KALRN: variants seen among roughly 807,000 people sequenced by gnomAD.
The protein encoded by KALRN is kalirin RhoGEF kinase, also known as kalirin.
KALRN carries 70 observed loss-of-function variants against 353.7 expected under a neutral mutation model. That is an observed-to-expected ratio of 0.20 (90% CI 0.16 to 0.24). The LOEUF (loss-of-function observed/expected upper bound fraction) is 0.24. Ranked by LOEUF, KALRN falls within the 10% of genes least tolerant of loss-of-function variation. The probability of loss-of-function intolerance (pLI) is 1.00; values close to 1 mark genes in which losing one functional copy is unlikely to be tolerated. For missense variants in KALRN, 2,791 were observed against 3,756.7 expected, an observed-to-expected ratio of 0.74 and a Z score of 6.72; for synonymous variants, 1,391 against 1,434.8, an observed-to-expected ratio of 0.97 and a Z score of 0.69.
rs1213814723 is a variant in KALRN at position 124,723,104 on chromosome 3, A to AG, written c.*3639dup. ...GTCTCTCTCAGCCATAAACAATGTA[A>AG]GGGGGAGTAGAGGAAGCAGAGGAGA... On this transcript the variant is annotated 3_prime_UTR_variant, in exon 60 of 60. Coordinates refer to ENST00000682506, the MANE Select transcript of KALRN (RefSeq NM_001388419.1). 6.6e-6 allele frequency: 1 copy of AG among 152,190 alleles called. No homozygotes were observed. Among genetic ancestry groups the AG allele is most frequent in the African/African-American group, 2.4e-5 (1 of 41,440 alleles). The allele number at this position is 152,190 out of a possible 1,614,324, so 9.4% of individuals were successfully genotyped here. A position where few individuals can be genotyped will look rare whatever the true frequency, so the allele number is the denominator to read the frequency against.
At chr3:124,407,247 C>T (rs1296876259) in intron 13 of KALRN, among the ~76,000 whole-genome samples, 1 of 152,114 alleles carries the variant, frequency 6.6e-6, no homozygotes, top group Non-Finnish European at 1.5e-5. Context: ...TAGCAAAGCT[C>T]CTGACAGTTA....
chr3:124,702,178 TA>T, intron 57 of KALRN, 62 bp downstream of exon 57: 1 of 1,001,688 alleles, frequency 1.0e-6, no homozygotes, highest in Non-Finnish European at 1.5e-6. Flanking sequence ...ATCAGAACAG[TA>T]ACTTTTTGTT....
intron 6 of KALRN, among the ~76,000 whole-genome samples, chr3:124,311,811 T>C (rs958161406): frequency 6.6e-6 from 1 of 152,226 alleles, no homozygotes; most frequent in Non-Finnish European, 1.5e-5. Flanking sequence ...CTTATATTTA[T>C]TTGGCCATAA....
chr3:124,707,356 A>G (rs1171326719), intron 57 of KALRN, among the ~76,000 whole-genome samples: 1 of 152,074 alleles, frequency 6.6e-6, no homozygotes, highest in African/African-American at 2.4e-5. Flanking sequence ...AAGTAAAGTA[A>G]AAACTTGAAG....
At chr3:124,073,372 C>G (rs2060113412) in intron 1 of KALRN, among the ~76,000 whole-genome samples, 1 of 152,180 alleles carries the variant, frequency 6.6e-6, no homozygotes, top group Non-Finnish European at 1.5e-5. Context: ...AAACTTTACT[C>G]AAGAACAGGC....
At chr3:124,271,946 C>T (rs945016758) in intron 5 of KALRN, among the ~76,000 whole-genome samples, 1 of 152,108 alleles carries the variant, frequency 6.6e-6, no homozygotes, top group African/African-American at 2.4e-5. Flanking sequence ...AAACCAAATA[C>T]CACAGGTTCC....
chr3:124,549,320 AACACACACAC>A (rs10542227), intron 33 of KALRN, among the ~76,000 whole-genome samples: 2 of 145,928 alleles, frequency 1.4e-5, no homozygotes, highest in South Asian at 2.2e-4. Flanking sequence ...CCAAGAAGCC[AACACACACAC>A]ACACACACAC....
intron 6 of KALRN, among the ~76,000 whole-genome samples, chr3:124,323,965 T>C (rs932569347): frequency 3.3e-5 from 5 of 152,122 alleles, no homozygotes; most frequent in African/African-American, 7.3e-5. Flanking sequence ...GAAGTGTGCT[T>C]GGTCTGTTTG....
chr3:124,598,915 A>G (rs992345897), intron 34 of KALRN, among the ~76,000 whole-genome samples: 5 of 152,290 alleles, frequency 3.3e-5, no homozygotes, highest in African/African-American at 4.8e-5. Flanking sequence ...GGCTCAAGCA[A>G]TCTGCCCACC....
At chr3:124,106,326 G>GGA (rs1463802872) in intron 1 of KALRN, among the ~76,000 whole-genome samples, 2 of 152,194 alleles carry the variant, frequency 1.3e-5, no homozygotes, top group Admixed American at 6.5e-5. Context: ...AGCTCAGACT[G>GGA]GAGAGGTGGA....
chr3:124,657,651 C>A, intron 40 of KALRN, 83 bp from the exon 41 acceptor site: 2 of 1,365,854 alleles, frequency 1.5e-6, no homozygotes, highest in South Asian at 1.2e-5. Flanking sequence ...AGGGGAGAGT[C>A]TTCTGTAATT....
intron 1 of KALRN, among the ~76,000 whole-genome samples, chr3:124,040,126 C>T (rs572882226): frequency 1.9e-4 from 29 of 152,232 alleles, no homozygotes; most frequent in East Asian, 1.5e-3. Context: ...ACTGTCCAGT[C>T]GTATTTGATA....
intron 43 of KALRN, 128 bp downstream of exon 43, chr3:124,659,585 AG>A: frequency 1.6e-6 from 1 of 638,092 alleles, no homozygotes; most frequent in South Asian, 2.1e-5. Context: ...GAACTGTGGG[AG>A]GGGTGGTAGG....
Position 124,235,267 on chromosome 3 carries a change from G to T in KALRN, c.263+324G>T, listed in dbSNP as rs567072328. Among the ~76,000 whole-genome samples, 100 of 152,236 alleles carry T rather than the reference G, an allele frequency of 6.6e-4. 1 individual carries two copies. Among genetic ancestry groups the T allele is most frequent in the Non-Finnish European group, 1.8e-4 (12 of 68,012 alleles). ...ATTGCCCCCAAAGAGAGTGAAAATT[G>T]GTTCTTGGGGATAGCAAAAGATTTT... On this transcript the variant is annotated intron_variant, in intron 3 of 59. Coordinates refer to ENST00000682506, the MANE Select transcript of KALRN (RefSeq NM_001388419.1).
intron 25 of KALRN, among the ~76,000 whole-genome samples, chr3:124,463,763 AG>A (rs1273633254): frequency 1.3e-4 from 20 of 152,282 alleles, no homozygotes; most frequent in Non-Finnish European, 4.4e-5. Context: ...GGTCCAGATA[AG>A]GGGTGGAAAG....
intron 1 of KALRN, among the ~76,000 whole-genome samples, chr3:124,070,493 C>T (rs2059965530): frequency 1.3e-5 from 2 of 152,202 alleles, no homozygotes; most frequent in Admixed American, 1.3e-4. Context: ...TGTCCCACTA[C>T]CTGTGGGGAA....
intron 34 of KALRN, among the ~76,000 whole-genome samples, chr3:124,609,739 T>G (rs1044533173): frequency 6.6e-6 from 1 of 152,252 alleles, no homozygotes; most frequent in Non-Finnish European, 1.5e-5. Context: ...TACTGTTCAC[T>G]GCCATTTAAT....
At chr3:124,104,307 G>C (rs2062108375) in intron 1 of KALRN, among the ~76,000 whole-genome samples, 1 of 152,220 alleles carries the variant, frequency 6.6e-6, no homozygotes, top group African/African-American at 2.4e-5. Context: ...AAAGAAGACA[G>C]TCTTCTTGTC....
At chr3:124,209,563 T>C (rs1241165578) in intron 1 of KALRN, among the ~76,000 whole-genome samples, 1 of 146,750 alleles carries the variant, frequency 6.8e-6, no homozygotes, top group Non-Finnish European at 1.5e-5. Flanking sequence ...TCTCTGAGAG[T>C]AGCTCTGCAT....
Sources: gnomAD v4.1 joint callset for allele counts (sites outside exome capture counted in the v4.1 genomes callset) on GRCh38, gnomAD v4.1.1 for gene constraint, MANE v1.5 for transcripts, NCBI Gene and HGNC (gene_info 2026-07-23, HGNC 2026-07-21) for gene names.